EHD3: variants seen among roughly 807,000 people sequenced by gnomAD.
EHD3 encodes EH domain containing 3, also known as EH domain-containing protein 3.
EHD3 carries 17 observed loss-of-function variants against 43.0 expected under a neutral mutation model. That is an observed-to-expected ratio of 0.40 (90% CI 0.27 to 0.59). EHD3 has a LOEUF of 0.59. EHD3 is among the 20% of genes least tolerant of loss of function. The pLI is 0.49. For synonymous variants in EHD3, 313 were observed against 289.5 expected (o/e 1.08, Z -0.82); for missense variants, 594 against 705.6 (o/e 0.84, Z 1.79).
Position 31,266,160 on chromosome 2 carries a change from TCTC to T in EHD3, c.1081-10_1081-8del, listed in dbSNP as rs1159731856. On this transcript the variant is annotated splice_polypyrimidine_tract_variant and intron_variant, in intron 5 of 5. Transcript: ENST00000322054. The surrounding 1 kb of genome is among the most constrained non-coding windows in gnomAD (Gnocchi z 5.1). ...TTCATCGTATCCTATCTTCATCCTC[TCTC>T]CTCCTCTTCCCAGGACCAGCTGCAG... The T allele has an allele frequency of 8.1e-6, 13 of 1,597,662 alleles. No individual in the cohort carries two copies. In the Admixed American group the frequency reaches 1.9e-4, roughly 23 times the overall value.
In EHD3 at chr2:31,266,571, A is replaced by C; in HGVS notation, c.1475A>C (p.Lys492Thr). Residue 492 changes from lysine (K) to threonine (T), a missense_variant, in exon 6 of 6, where the codon AAG (lysine) becomes ACG (threonine). This residue lies in a region of EHD3 where 322 missense variants were observed against 348.0 expected (regional missense o/e 0.93). Coordinates refer to ENST00000322054, the MANE Select transcript of EHD3 (RefSeq NM_014600.3). The surrounding 1 kb of genome is among the most constrained non-coding windows in gnomAD (Gnocchi z 5.1). ...ATCTGGAAGCTGGCCGACATTGACA[A>C]GGATGGCATGCTGGACGACGACGAG... is the stretch of plus-strand genomic sequence containing the variant. ...GKIWKLADID[K>T]DGMLDDDEFA... is the part of the protein sequence containing the mutation. 6.2e-7 allele frequency: 1 copy of C among 1,614,144 alleles called. No individual in the cohort carries two copies. Among genetic ancestry groups the C allele is most frequent in the Middle Eastern group, 1.6e-4 (1 of 6,062 alleles).
chr2:31,236,196 A>G (rs1683321058), intron 1 of EHD3, among the ~76,000 whole-genome samples: 1 of 152,222 alleles, frequency 6.6e-6, no homozygotes, highest in Non-Finnish European at 1.5e-5. Context: ...ATGTCTAAAC[A>G]CAACACCACA....
intron 2 of EHD3, among the ~76,000 whole-genome samples, chr2:31,248,038 A>C (rs980649937): frequency 6.6e-6 from 1 of 152,138 alleles, no homozygotes. Context: ...TGTCCATTGA[A>C]ACGACAACAG....
intron 3 of EHD3, among the ~76,000 whole-genome samples, chr2:31,254,219 G>A (rs566918027): frequency 2.0e-5 from 3 of 152,146 alleles, no homozygotes; most frequent in Admixed American, 2.0e-4. Context: ...AAGAGCACAG[G>A]GGGTAGGAAT....
chr2:31,248,950 T>G (rs1683581755), intron 2 of EHD3, among the ~76,000 whole-genome samples: 1 of 152,104 alleles, frequency 6.6e-6, no homozygotes, highest in African/African-American at 2.4e-5. Context: ...TCATTGGCTA[T>G]CTAAAGAAGC....
At chr2:31,236,984 G>C (rs1380550118) in intron 1 of EHD3, among the ~76,000 whole-genome samples, 1 of 152,164 alleles carries the variant, frequency 6.6e-6, no homozygotes, top group Non-Finnish European at 1.5e-5. Flanking sequence ...GACCGGGAGA[G>C]GCAGATCGCT....
At chr2:31,253,246 CCACACACACACACACA>C (rs34392955) in intron 3 of EHD3, among the ~76,000 whole-genome samples, 28 of 142,012 alleles carry the variant, frequency 2.0e-4, no homozygotes, top group African/African-American at 3.2e-4. Context: ...CAACCCCCTC[CCACACACACACACACA>C]CACACACACA....
In EHD3 at chr2:31,266,029, G is replaced by A. The variant is rs1243404995; in HGVS notation, c.1081-148G>A. The A allele has an allele frequency of 1.6e-5, 16 of 1,012,586 alleles. No individual in the cohort carries two copies. Among genetic ancestry groups the A allele is most frequent in the Non-Finnish European group, 2.1e-5 (15 of 713,858 alleles). 62.7% of individuals were successfully genotyped at this position (1,012,586 alleles called of 1,614,324 possible). A position where few individuals can be genotyped will look rare whatever the true frequency, so the allele number is the denominator to read the frequency against. ...CTCATACCTTCGATTACCACGTGAT[G>A]TCCATCAGCTGAGCCTCTAGGTCAC... On this transcript the variant is annotated intron_variant, in intron 5 of 5. Transcript: ENST00000322054. This position sits in a 1 kb window ranked among gnomAD's most constrained non-coding sequence, Gnocchi z 5.1.
rs116045601 is a variant in EHD3 at position 31,267,793 on chromosome 2, C to T, written c.*1089C>T. On this transcript the variant is annotated 3_prime_UTR_variant, in exon 6 of 6. Coordinates refer to ENST00000322054, the MANE Select transcript of EHD3 (RefSeq NM_014600.3). ...GGAGAACAAGCAAAGTATGCAGGCCCCCTGCAGCCTCCCAGGACAGGCTGG... is the reference window on the plus strand; with the variant it reads ...GGAGAACAAGCAAAGTATGCAGGCCTCCTGCAGCCTCCCAGGACAGGCTGG... 3,028 of 152,358 alleles carry T rather than the reference C, an allele frequency of 0.02. 38 individuals are homozygous for T. The highest frequency in any genetic ancestry group is 0.026 in the Non-Finnish European group (1,740 of 68,052). The allele number at this position is 152,358 out of a possible 1,614,324, so 9.4% of individuals were successfully genotyped here.
rs751332290 is a variant in EHD3 at position 31,243,420 on chromosome 2, T to TTTTCTTTCTTTC, written c.228-822_228-811dup. On this transcript the variant is annotated intron_variant, in intron 1 of 5. Coordinates refer to ENST00000322054, the MANE Select transcript of EHD3 (RefSeq NM_014600.3). ...AGGGTAGGATAGGATGGAGATTCAT[T>TTTTCTTTCTTTC]TTTCTTTCTTTCTTTCTTTCTTTCT... Among the ~76,000 whole-genome samples the TTTTCTTTCTTTC allele has an allele frequency of 3.0e-4, 41 of 135,510 alleles. 1 individual carries two copies. The highest frequency in any genetic ancestry group is 6.8e-4 in the African/African-American group (22 of 32,336). 88.9% of individuals were successfully genotyped at this position (135,510 alleles called of 152,430 possible).
rs774485897 is a variant in EHD3 at position 31,249,381 on chromosome 2, G to A, written c.415G>A (p.Ala139Thr). The A allele has an allele frequency of 6.2e-7, 1 of 1,614,132 alleles. No individual in the cohort carries two copies. Among genetic ancestry groups the A allele is most frequent in the South Asian group, 1.1e-5 (1 of 91,072 alleles). Residue 139 changes from alanine to threonine, a missense_variant, in exon 3 of 6, where the codon GCC becomes ACC. By Grantham distance (58) the Ala-to-Thr change is moderately conservative (BLOSUM62 0). Around this residue, in one of 3 missense-constraint regions of EHD3, gnomAD observed 243 missense variants for 296.7 expected, o/e 0.82. Coordinates refer to ENST00000322054, the MANE Select transcript of EHD3 (RefSeq NM_014600.3). ...CCTCTGCCCATGCAGGTTCGTGTGT[G>A]CCCAGCTACCTAACCCTGTGCTGGA... ...GNAFLNRFVC[A>T]QLPNPVLESI...
chr2:31,236,276 G>T (rs1479182921), intron 1 of EHD3, among the ~76,000 whole-genome samples: 1 of 152,228 alleles, frequency 6.6e-6, no homozygotes, highest in Admixed American at 6.5e-5. Flanking sequence ...ATTTCTGAAG[G>T]AGTTTGGGAG....
intron 1 of EHD3, among the ~76,000 whole-genome samples, chr2:31,241,129 G>A (rs956838226): frequency 6.6e-6 from 1 of 152,236 alleles, no homozygotes; most frequent in Non-Finnish European, 1.5e-5. Context: ...GAACCCCACA[G>A]CTGATATTTA....
At chr2:31,253,044 G>A (rs1290672513) in intron 3 of EHD3, among the ~76,000 whole-genome samples, 1 of 151,976 alleles carries the variant, frequency 6.6e-6, no homozygotes, top group Non-Finnish European at 1.5e-5. Context: ...AGTTTCCAGG[G>A]TGCAGAGCCC....
In EHD3 at chr2:31,266,296, G is replaced by T. The variant is rs764084590; in HGVS notation, c.1200G>T (p.Glu400Asp). 6.2e-7 allele frequency: 1 copy of T among 1,614,204 alleles called. No homozygotes were observed. Among genetic ancestry groups the T allele is most frequent in the Non-Finnish European group, 8.5e-7 (1 of 1,180,042 alleles). ...IAQLMVLVRQ[E>D]ESQRPIQMVK... Reference sequence around the variant, plus strand: ...AGCTCATGGTGCTAGTGCGCCAGGAGGAGTCACAGCGGCCCATCCAGATGG... The same window carrying T: ...AGCTCATGGTGCTAGTGCGCCAGGATGAGTCACAGCGGCCCATCCAGATGG... Residue 400 changes from glutamate to aspartate, a missense_variant, in exon 6 of 6, where the codon GAG becomes GAT. Physicochemically the swap from Glu to Asp is conservative, Grantham distance 45. Coordinates refer to ENST00000322054, the MANE Select transcript of EHD3 (RefSeq NM_014600.3). This position sits in a 1 kb window ranked among gnomAD's most constrained non-coding sequence, Gnocchi z 5.1.
At chr2:31,250,042 T>A (rs1469040771) in intron 3 of EHD3, among the ~76,000 whole-genome samples, 1 of 134,332 alleles carries the variant, frequency 7.4e-6, no homozygotes, top group African/African-American at 2.8e-5. Context: ...CTCTGCCACT[T>A]CATAGCACAG....
At chr2:31,259,847 G>A in intron 3 of EHD3, among the ~76,000 whole-genome samples, 1 of 152,186 alleles carries the variant, frequency 6.6e-6, no homozygotes, top group South Asian at 2.1e-4. Flanking sequence ...GCTAAATACA[G>A]TAAGCACGGA....
chr2:31,260,678 T>A lies in EHD3; in HGVS notation c.671T>A (p.Ile224Asn). Residue 224 changes from isoleucine (I) to asparagine (N), a missense_variant, in exon 4 of 6, where the codon ATC (isoleucine) becomes AAC (asparagine). Coordinates refer to ENST00000322054, the MANE Select transcript of EHD3 (RefSeq NM_014600.3). The surrounding 1 kb of genome is among the most constrained non-coding windows in gnomAD (Gnocchi z 4.6). ...GTGGTGCTGAACAAAGCTGACCAGA[T>A]CGAGACGCAGCAGCTGATGCGGGTG... is the stretch of plus-strand genomic sequence containing the variant. ...MRVVLNKADQ[I>N]ETQQLMRVYG... is the part of the protein sequence containing the mutation. The A allele has an allele frequency of 6.2e-7, 1 of 1,614,108 alleles. No homozygotes were observed. The highest frequency in any genetic ancestry group is 8.5e-7 in the Non-Finnish European group (1 of 1,180,004).
At chr2:31,265,163 A>C (rs973817256) in intron 5 of EHD3, among the ~76,000 whole-genome samples, 1 of 152,180 alleles carries the variant, frequency 6.6e-6, no homozygotes, top group Non-Finnish European at 1.5e-5. Context: ...GGCCTGCCTG[A>C]GGTTGTTTTA....
Sources: allele counts gnomAD v4.1 joint callset (sites outside exome capture counted in the v4.1 genomes callset), GRCh38; gene constraint gnomAD v4.1.1; regional missense constraint gnomAD v4.1.1; non-coding constraint Gnocchi (gnomAD v3.1); transcripts MANE v1.5; gene names NCBI Gene and HGNC (gene_info 2026-07-23, HGNC 2026-07-21).